The following CSRNP3 variants were observed in gnomAD, a reference collection of about 807,000 sequenced individuals.
CSRNP3 encodes the protein cysteine and serine rich nuclear protein 3, also known as cysteine/serine-rich nuclear protein 3.
In CSRNP3, 12 loss-of-function variants were observed where a neutral mutation model predicts 48.0. That is an observed-to-expected ratio of 0.25 (90% CI 0.16 to 0.41). The LOEUF is 0.41. Among genes scored for constraint, CSRNP3 ranks in the 10% least tolerant of loss-of-function variants. The pLI is 1.00. For missense variants in CSRNP3, 580 were observed against 724.4 expected, an observed-to-expected ratio of 0.80 and a Z score of 2.29; for synonymous variants, 263 against 269.7, an observed-to-expected ratio of 0.98 and a Z score of 0.24.
intron 6 of CSRNP3, among the ~76,000 whole-genome samples, chr2:165,678,361 C>A (rs1687463939): frequency 6.6e-6 from 1 of 151,622 alleles, no homozygotes; most frequent in Admixed American, 6.6e-5. Context: ...CAGGAGCATT[C>A]AAAACATGGG....
Position 165,672,070 on chromosome 2 carries a change from G to T in CSRNP3, c.409-4242G>T, listed in dbSNP as rs138401087. On this transcript the variant is annotated intron_variant, in intron 5 of 6. Coordinates refer to ENST00000651982, the MANE Select transcript of CSRNP3 (RefSeq NM_001172173.2). ...AAAGCCATTCAACAAGTCTCTAGGA[G>T]ATTCCAAACTTTCCCACATTTTCCT... 5.5e-4 allele frequency among the ~76,000 whole-genome samples: 83 copies of T among 152,286 alleles called. No homozygotes were observed. In the East Asian group the frequency reaches 7.0e-3, roughly 13 times the overall value.
intron 3 of CSRNP3, among the ~76,000 whole-genome samples, chr2:165,565,635 T>C (rs1685287528): frequency 6.6e-6 from 1 of 151,984 alleles, no homozygotes; most frequent in Non-Finnish European, 1.5e-5. Flanking sequence ...AAGCTGACTA[T>C]ATGAACAAGA....
At chr2:165,479,138 T>C (rs1176785102) in intron 1 of CSRNP3, among the ~76,000 whole-genome samples, 2 of 152,202 alleles carry the variant, frequency 1.3e-5, no homozygotes, top group African/African-American at 4.8e-5. Flanking sequence ...AAATGTCTTT[T>C]TTATAGCTAT....
chr2:165,526,841 A>G (rs2105239993), intron 3 of CSRNP3, among the ~76,000 whole-genome samples: 1 of 152,326 alleles, frequency 6.6e-6, no homozygotes, highest in African/African-American at 2.4e-5. Flanking sequence ...ATTTGGTTCA[A>G]CTTTTCTAGA....
chr2:165,619,475 G>A (rs1266515190), intron 4 of CSRNP3, among the ~76,000 whole-genome samples: 1 of 152,122 alleles, frequency 6.6e-6, no homozygotes, highest in Non-Finnish European at 1.5e-5. Context: ...GACCACCTAT[G>A]AATTTTTTCA....
At chr2:165,593,604 C>T (rs1685759925) in intron 3 of CSRNP3, among the ~76,000 whole-genome samples, 1 of 152,078 alleles carries the variant, frequency 6.6e-6, no homozygotes, top group African/African-American at 2.4e-5. Flanking sequence ...GTGATCTGCA[C>T]AGAAAAGAAG....
intron 4 of CSRNP3, among the ~76,000 whole-genome samples, chr2:165,601,195 C>A (rs1573909705): frequency 6.6e-6 from 1 of 152,212 alleles, no homozygotes; most frequent in Middle Eastern, 3.4e-3. Flanking sequence ...GGCTCTATAG[C>A]CAATCAGCCT....
chr2:165,637,400 T>G (rs1686648640), intron 4 of CSRNP3, among the ~76,000 whole-genome samples: 1 of 152,234 alleles, frequency 6.6e-6, no homozygotes, highest in South Asian at 2.1e-4. Context: ...ATTAATTGTA[T>G]ACCTGGCATC....
At chr2:165,491,870 C>A (rs1156284543) in intron 1 of CSRNP3, among the ~76,000 whole-genome samples, 20 of 135,188 alleles carry the variant, frequency 1.5e-4, no homozygotes, top group East Asian at 4.7e-4. Flanking sequence ...TTAGTGGGTG[C>A]AGCGCACCAG....
chr2:165,564,048 C>T (rs908655250), intron 3 of CSRNP3, among the ~76,000 whole-genome samples: 1 of 152,018 alleles, frequency 6.6e-6, no homozygotes, highest in South Asian at 2.1e-4. Flanking sequence ...TCTATCGCCA[C>T]CTAGGGAAAG....
rs1210080805 is a variant in CSRNP3 at position 165,682,446 on chromosome 2, C to G, written c.*2693C>G. On this transcript the variant is annotated 3_prime_UTR_variant, in exon 7 of 7. Transcript: ENST00000651982. The stretch of plus-strand genomic sequence containing the variant: ...CCCATATACCTAACACATACACATG[C>G]ACACACATACAAAATATATACATAT... The G allele has an allele frequency of 6.6e-6, 1 of 152,124 alleles. No homozygotes were observed. Among genetic ancestry groups the G allele is most frequent in the East Asian group, 1.9e-4 (1 of 5,186 alleles). 9.4% of individuals were successfully genotyped at this position (152,124 alleles called of 1,614,324 possible). A position where few individuals can be genotyped will look rare whatever the true frequency, so the allele number is the denominator to read the frequency against.
intron 3 of CSRNP3, among the ~76,000 whole-genome samples, chr2:165,528,999 G>A (rs1226321406): frequency 1.3e-5 from 2 of 152,190 alleles, no homozygotes; most frequent in Admixed American, 1.3e-4. Context: ...GCCCTCCTGG[G>A]TGCAGTTGCA....
chr2:165,588,162 G>T (rs1344102537), intron 3 of CSRNP3, among the ~76,000 whole-genome samples: 1 of 152,150 alleles, frequency 6.6e-6, no homozygotes, highest in Non-Finnish European at 1.5e-5. Flanking sequence ...AGATCAGAAG[G>T]AATGGTATAT....
intron 4 of CSRNP3, among the ~76,000 whole-genome samples, chr2:165,653,426 T>A (rs1457039039): frequency 6.6e-6 from 1 of 152,218 alleles, no homozygotes; most frequent in African/African-American, 2.4e-5. Context: ...CAGTGTCAGC[T>A]CTGCCAGGGG....
At chr2:165,509,688 C>A (rs1199508318) in intron 2 of CSRNP3, among the ~76,000 whole-genome samples, 1 of 152,084 alleles carries the variant, frequency 6.6e-6, no homozygotes, top group Non-Finnish European at 1.5e-5. Flanking sequence ...GCTCAGCTTC[C>A]CCCAGTGTTA....
At chr2:165,516,509 A>T (rs1257443303) in intron 2 of CSRNP3, among the ~76,000 whole-genome samples, 1 of 152,300 alleles carries the variant, frequency 6.6e-6, no homozygotes, top group Non-Finnish European at 1.5e-5. Context: ...TAATTTATTA[A>T]TTAGCTAGAA....
intron 2 of CSRNP3, among the ~76,000 whole-genome samples, chr2:165,506,529 C>T (rs1684428482): frequency 6.6e-6 from 1 of 152,144 alleles, no homozygotes; most frequent in Non-Finnish European, 1.5e-5. Flanking sequence ...GCAACAACCT[C>T]TCCAGGGATT....
chr2:165,647,432 C>G (rs1048094029), intron 4 of CSRNP3, among the ~76,000 whole-genome samples: 6 of 152,074 alleles, frequency 3.9e-5, no homozygotes, highest in Admixed American at 6.6e-5. Context: ...AATGTATGTT[C>G]CATATGTAAA....
At chr2:165,532,078 A>G (rs1038525411) in intron 3 of CSRNP3, among the ~76,000 whole-genome samples, 6 of 152,186 alleles carry the variant, frequency 3.9e-5, no homozygotes, top group Non-Finnish European at 4.4e-5. Flanking sequence ...TAGCTTACCA[A>G]CCAAAAAAAG....
Sources: gnomAD v4.1 joint callset for allele counts (sites outside exome capture counted in the v4.1 genomes callset) on GRCh38, gnomAD v4.1.1 for gene constraint, MANE v1.5 for transcripts, NCBI Gene and HGNC (gene_info 2026-07-23, HGNC 2026-07-21) for gene names.